C6orf118: variants seen among roughly 807,000 people sequenced by gnomAD.
C6orf118 encodes the protein uncharacterized protein C6orf118.
Under a neutral mutation model 50.2 loss-of-function variants are expected in C6orf118, and 50 were observed. That is an observed-to-expected ratio of 1.00 (90% confidence interval 0.79 to 1.26). The LOEUF (loss-of-function observed/expected upper bound fraction) is 1.26. C6orf118 is among the 50% of genes most tolerant of loss of function. The pLI, the probability that C6orf118 is intolerant of heterozygous loss-of-function variation, is 0.00. For synonymous variants in C6orf118, 239 were observed against 230.9 expected, an observed-to-expected ratio of 1.03 and a Z score of -0.32; for missense variants, 641 against 578.7, an observed-to-expected ratio of 1.11 and a Z score of -1.10.
At chr6:165,298,368 T>C (rs940858245) in intron 4 of C6orf118, among the ~76,000 whole-genome samples, 1 of 152,190 alleles carries the variant, frequency 6.6e-6, no homozygotes, top group African/African-American at 2.4e-5. Context: ...ATTTCCCTGT[T>C]GGCCCGTGTG....
At chr6:165,288,441 C>T (rs115274327) in intron 7 of C6orf118, among the ~76,000 whole-genome samples, 3,208 of 152,144 alleles carry the variant, frequency 0.021, 116 homozygotes, top group African/African-American at 0.074. Context: ...TTTGTATATA[C>T]CCAAAGGAAT....
Position 165,280,054 on chromosome 6 carries a change from G to A in C6orf118, c.*3C>T. The A allele has an allele frequency of 6.2e-7, 1 of 1,604,100 alleles. No homozygotes were observed. Among genetic ancestry groups the A allele is most frequent in the East Asian group, 2.2e-5 (1 of 44,590 alleles). On this transcript the variant is annotated 3_prime_UTR_variant, in exon 9 of 9. Coordinates refer to ENST00000230301, the MANE Select transcript of C6orf118 (RefSeq NM_144980.4). ...ACTGGCCATTTGTTCAGCCACTTGA[G>A]CGTTATCTTCTGTTTCCTCTGATTT... is the stretch of plus-strand genomic sequence containing the variant.
chr6:165,294,070 C>A (rs1412176982), intron 5 of C6orf118, among the ~76,000 whole-genome samples: 1 of 151,796 alleles, frequency 6.6e-6, no homozygotes, highest in Non-Finnish European at 1.5e-5. Context: ...CACGGTGAAA[C>A]CCCATCTCCA....
intron 4 of C6orf118, among the ~76,000 whole-genome samples, chr6:165,299,190 C>T (rs1291318951): frequency 6.6e-6 from 1 of 152,180 alleles, no homozygotes; most frequent in Admixed American, 6.5e-5. Flanking sequence ...CATTTATATT[C>T]CCAATTTATA....
intron 2 of C6orf118, among the ~76,000 whole-genome samples, 153 bp downstream of exon 2, chr6:165,301,416 C>T (rs1346170324): frequency 6.6e-6 from 1 of 151,654 alleles, no homozygotes; most frequent in African/African-American, 2.4e-5. Context: ...AGCACTGCAC[C>T]GCGAGGTCTG....
At chr6:165,282,948 A>G (rs1227371572) in intron 7 of C6orf118, among the ~76,000 whole-genome samples, 3 of 152,226 alleles carry the variant, frequency 2.0e-5, no homozygotes, top group African/African-American at 7.2e-5. Flanking sequence ...CTGTTTTAAA[A>G]TGCAATTATA....
Position 165,301,932 on chromosome 6 carries a change from C to G in C6orf118, c.390G>C (p.Arg130Ser), listed in dbSNP as rs762477620. The change falls in exon 2 of 9, where the codon AGG becomes AGC. Residue 130 changes from arginine (R) to serine (S), a missense_variant. By Grantham distance (110) the Arg-to-Ser change is moderately radical. Transcript: ENST00000230301. ...AAAGAGAGGCCTGGGGGTTCAGGTA[C>G]CTGAACAGCGGGGTGTCCTGGGCCT... ...PSEAQDTPLF[R>S]YLNPQASLSH... 6 of 1,613,882 alleles carry G rather than the reference C, an allele frequency of 3.7e-6. No homozygotes were observed. Among genetic ancestry groups the G allele is most frequent in the Non-Finnish European group, 5.1e-6 (6 of 1,180,018 alleles).
At chr6:165,308,311 T>G (rs921647568) in intron 1 of C6orf118, among the ~76,000 whole-genome samples, 1 of 152,134 alleles carries the variant, frequency 6.6e-6, no homozygotes, top group Non-Finnish European at 1.5e-5. Flanking sequence ...GCAGAGAAGT[T>G]TCTCTGGCAA....
At chr6:165,281,551 GA>G in intron 8 of C6orf118, 88 bp downstream of exon 8, 1 of 1,431,624 alleles carries the variant, frequency 7.0e-7, no homozygotes, top group Non-Finnish European at 9.2e-7. Context: ...AAAGAATTAC[GA>G]TCAGTTGGTC....
rs1165464424 is a variant in C6orf118, at chr6:165,290,057, C to T, written c.1131G>A (p.Glu377=). ...GTCGGTTTTCATCAATTATATGTTT[C>T]TCAGATGATTCTGGAAATATTTTTT... The part of the protein sequence containing the change: ...QSAKERSESS[E]KHIIDENRLT... Residue 377 remains glutamate, a synonymous_variant, in exon 7 of 9, where the codon GAG becomes GAA. Transcript: ENST00000230301. 6.3e-7 allele frequency: 1 copy of T among 1,588,506 alleles called. No homozygotes were observed. The highest frequency in any genetic ancestry group is 8.6e-7 in the Non-Finnish European group (1 of 1,168,580).
Position 165,302,491 on chromosome 6 carries a change from C to T in C6orf118, c.26-195G>A, listed in dbSNP as rs140694235. 8.0e-3 allele frequency among the ~76,000 whole-genome samples: 1,218 copies of T among 152,200 alleles called. 12 individuals carry two copies. Among genetic ancestry groups the T allele is most frequent in the African/African-American group, 0.027 (1,128 of 41,522 alleles). The stretch of plus-strand genomic sequence containing the variant: ...CCAGTGTGCTGCTGCAGATGAGAGG[C>T]GCCCAGGCCCCCAGGATGTGCAAGT... On this transcript the variant is annotated intron_variant, in intron 1 of 8. Transcript: ENST00000230301.
rs188482531 is a variant in C6orf118, at chr6:165,300,818, C to T, written c.754-332G>A. On this transcript the variant is annotated intron_variant, in intron 2 of 8. Coordinates refer to ENST00000230301, the MANE Select transcript of C6orf118 (RefSeq NM_144980.4). ...CCAAGGCCTGGCTGCTTCCTGGGGG[C>T]CTGCTATTTTCTTCTCTTTCGTGCA... Among the ~76,000 whole-genome samples, 15 of 152,254 alleles carry T rather than the reference C, an allele frequency of 9.9e-5. No individual in the cohort carries two copies. The East Asian group carries it at 2.9e-3, about 29-fold the overall frequency.
intron 1 of C6orf118, among the ~76,000 whole-genome samples, chr6:165,303,598 A>G (rs1447844606): frequency 7.9e-6 from 1 of 127,070 alleles, no homozygotes; most frequent in African/African-American, 3.4e-5. Flanking sequence ...AAAAAAAGAG[A>G]GAAGAATCAA....
At chr6:165,306,143 C>A (rs1780714974) in intron 1 of C6orf118, among the ~76,000 whole-genome samples, 1 of 42,756 alleles carries the variant, frequency 2.3e-5, no homozygotes, top group African/African-American at 1.4e-4. Context: ...ACTATGCAGC[C>A]ATAAAAAATG....
chr6:165,279,976 T>C lies in C6orf118; in HGVS notation c.*81A>G, dbSNP rs1442530096. ...ATGAAATGAAATGTATCTTTATGAATGTATATGCATCTGCAAATATCCATG... is the reference window on the plus strand; with the variant it reads ...ATGAAATGAAATGTATCTTTATGAACGTATATGCATCTGCAAATATCCATG... On this transcript the variant is annotated 3_prime_UTR_variant, in exon 9 of 9. Transcript: ENST00000230301. 8.4e-6 allele frequency: 11 copies of C among 1,311,974 alleles called. No homozygotes were observed. The South Asian group carries it at 9.4e-5, about 11-fold the overall frequency. The allele number at this position is 1,311,974 out of a possible 1,614,324, so 81.3% of individuals were successfully genotyped here. A position where few individuals can be genotyped will look rare whatever the true frequency, so the allele number is the denominator to read the frequency against.
Position 165,280,105 on chromosome 6 carries a change from AG to A in C6orf118, c.1361del (p.Pro454LeufsTer30). 6.2e-7 allele frequency: 1 copy of A among 1,606,104 alleles called. No individual in the cohort carries two copies. The highest frequency in any genetic ancestry group is 8.5e-7 in the Non-Finnish European group (1 of 1,176,746). ...TACAAATTCCTTGATAAATTTCCAA[AG>A]GCCCCTTAAAATACATAAGAAATGA... ...NMILKKKIKG[P>X]LEIYQGICKI... On this transcript the variant is annotated frameshift_variant, in exon 9 of 9. Transcript: ENST00000230301. LOFTEE classifies it low-confidence loss of function (END_TRUNC).
intron 1 of C6orf118, among the ~76,000 whole-genome samples, chr6:165,309,179 A>G (rs1780850581): frequency 6.6e-6 from 1 of 152,254 alleles, no homozygotes; most frequent in African/African-American, 2.4e-5. Flanking sequence ...GCAGCATGCC[A>G]GGGAATGCTC....
chr6:165,287,259 A>G (rs1032821958), intron 7 of C6orf118, among the ~76,000 whole-genome samples: 1 of 152,160 alleles, frequency 6.6e-6, no homozygotes, highest in Admixed American at 6.5e-5. Context: ...ACTACAAACC[A>G]CTACTCAAGG....
intron 6 of C6orf118, among the ~76,000 whole-genome samples, chr6:165,292,294 G>T (rs376217173): frequency 1.3e-5 from 2 of 152,110 alleles, no homozygotes; most frequent in Non-Finnish European, 2.9e-5. Flanking sequence ...GGAGGAGCAG[G>T]CTCCTGAGAT....
Sources: gnomAD v4.1 joint callset for allele counts (sites outside exome capture counted in the v4.1 genomes callset) on GRCh38, gnomAD v4.1.1 for gene constraint, MANE v1.5 for transcripts, NCBI Gene and HGNC (gene_info 2026-07-23, HGNC 2026-07-21) for gene names.